Variants in ANK3 observed in about 807,000 individuals in gnomAD.
ANK3 encodes ankyrin-3.
ANK3 carries 57 observed loss-of-function variants against 370.9 expected under a neutral mutation model. The observed-to-expected ratio is 0.15, with a 90% CI of 0.12 to 0.19. The LOEUF is 0.19. Ranked by LOEUF, ANK3 falls within the 10% of genes least tolerant of loss-of-function variation. The pLI, the probability that ANK3 is intolerant of heterozygous loss-of-function variation, is 1.00. For missense variants in ANK3, 4,439 were observed against 5,302.1 expected (o/e 0.84, Z 5.06); for synonymous variants, 1,929 against 1,946.3 (o/e 0.99, Z 0.23).
At chr10:60,524,007 T>C (rs910688872) in intron 2 of ANK3, among the ~76,000 whole-genome samples, 3 of 152,098 alleles carry the variant, frequency 2.0e-5, no homozygotes, top group Non-Finnish European at 4.4e-5. Flanking sequence ...TCTTTTCTTG[T>C]ATTAAATTAA....
chr10:60,559,348 G>A (rs1265277668), intron 2 of ANK3, among the ~76,000 whole-genome samples: 1 of 152,048 alleles, frequency 6.6e-6, no homozygotes, highest in African/African-American at 2.4e-5. Context: ...CCACTTATGA[G>A]TGAGAACATA....
rs548432720 is a variant in ANK3 at position 60,373,999 on chromosome 10, T to C, written c.114+15426A>G. 2.0e-4 allele frequency among the ~76,000 whole-genome samples: 30 copies of C among 152,220 alleles called. No homozygotes were observed. In the South Asian group the frequency reaches 2.9e-3, roughly 15 times the overall value. ...TGGGCAGAGAGCTGTGTACCCACTA[T>C]CATTTCTTCATTCTACAGGACAGTG... is the stretch of plus-strand genomic sequence containing the variant. On this transcript the variant is annotated intron_variant, in intron 1 of 43. Coordinates refer to ENST00000280772, the MANE Select transcript of ANK3 (RefSeq NM_020987.5).
At chr10:60,524,221 G>A (rs141732761) in intron 2 of ANK3, among the ~76,000 whole-genome samples, 51 of 152,236 alleles carry the variant, frequency 3.4e-4, no homozygotes, top group African/African-American at 1.2e-3. Context: ...AGGTCTTGGG[G>A]ATTTTAACCA....
intron 14 of ANK3, among the ~76,000 whole-genome samples, chr10:60,197,041 G>T (rs966086899): frequency 6.6e-6 from 1 of 152,098 alleles, no homozygotes; most frequent in African/African-American, 2.4e-5. Flanking sequence ...AGTTTGGAGG[G>T]CTTGGGAAAA....
At chr10:60,684,860 C>T in intron 1 of ANK3, 1 of 1,492,476 alleles carries the variant, frequency 6.7e-7, no homozygotes, top group Non-Finnish European at 9.2e-7. Context: ...CACAAAATAA[C>T]TAGGTTATCA....
intron 2 of ANK3, among the ~76,000 whole-genome samples, chr10:60,610,065 T>C (rs1191759459): frequency 6.6e-6 from 1 of 152,118 alleles, no homozygotes; most frequent in Non-Finnish European, 1.5e-5. Context: ...ATAGTATTAA[T>C]ATATAAAAAG....
intron 17 of ANK3, among the ~76,000 whole-genome samples, chr10:60,185,345 A>G (rs1327408584): frequency 6.6e-6 from 1 of 152,128 alleles, no homozygotes; most frequent in African/African-American, 2.4e-5. Flanking sequence ...TAAAAAAACG[A>G]TTTTTTCTTA....
rs1440627127 is a variant in ANK3, at chr10:60,240,304, ATAT to A, written c.799-5521_799-5519del. ...CACATATATATATATATATATATAT[ATAT>A]TTTTTTTTCTTTTTGAGATAGAGTT... is the stretch of plus-strand genomic sequence containing the variant. On this transcript the variant is annotated intron_variant, in intron 7 of 43. Coordinates refer to ENST00000280772, the MANE Select transcript of ANK3 (RefSeq NM_020987.5). 6.8e-5 allele frequency among the ~76,000 whole-genome samples: 6 copies of A among 87,644 alleles called. No individual in the cohort carries two copies. The East Asian group carries it at 9.5e-4, about 14-fold the overall frequency. The allele number at this position is 87,644 out of a possible 152,430, so 57.5% of individuals were successfully genotyped here.
intron 2 of ANK3, among the ~76,000 whole-genome samples, chr10:60,486,289 T>C (rs2075345220): frequency 6.6e-6 from 1 of 152,192 alleles, no homozygotes; most frequent in African/African-American, 2.4e-5. Flanking sequence ...AAATCTACAG[T>C]TATTTGTGGT....
At chr10:60,451,614 T>C (rs1595060501) in intron 2 of ANK3, among the ~76,000 whole-genome samples, 1 of 152,298 alleles carries the variant, frequency 6.6e-6, no homozygotes, top group East Asian at 1.9e-4. Context: ...TTTTTTGTCT[T>C]TTCCTTAACA....
Position 60,517,497 on chromosome 10 carries a change from C to A in ANK3, c.96+97689G>T, listed in dbSNP as rs572039922. On this transcript the variant is annotated intron_variant, in intron 2 of 43. Transcript: ENST00000373827. ...TTACCCAGAACATGCACCCTTTGTA[C>A]AATTTGAATTTGGGGCCACGTGTAT... Among the ~76,000 whole-genome samples, 3 of 152,080 alleles carry A rather than the reference C, an allele frequency of 2.0e-5. No homozygotes were observed. In the South Asian group the frequency reaches 6.2e-4, roughly 32 times the overall value.
intron 2 of ANK3, among the ~76,000 whole-genome samples, chr10:60,400,884 G>T (rs190065602): frequency 6.6e-6 from 1 of 152,068 alleles, no homozygotes; most frequent in African/African-American, 2.4e-5. Context: ...TTCCCAACAG[G>T]CCCCAGTGTG....
chr10:60,670,615 G>A (rs1023354140), intron 1 of ANK3, among the ~76,000 whole-genome samples: 4 of 152,068 alleles, frequency 2.6e-5, no homozygotes, highest in African/African-American at 9.6e-5. Context: ...AAAGCACCAT[G>A]TCACTCCCTG....
chr10:60,314,260 T>C (rs928520777), intron 1 of ANK3, among the ~76,000 whole-genome samples: 5 of 152,182 alleles, frequency 3.3e-5, no homozygotes, highest in African/African-American at 1.2e-4. Flanking sequence ...ACACGGACAA[T>C]ATATTCCAGG....
intron 2 of ANK3, among the ~76,000 whole-genome samples, chr10:60,441,163 G>C (rs1049319391): frequency 1.3e-5 from 2 of 152,166 alleles, no homozygotes; most frequent in Non-Finnish European, 1.5e-5. Flanking sequence ...GATTGTGAGA[G>C]ACTATTTTCT....
chr10:60,707,348 T>C (rs1271147657), intron 1 of ANK3, among the ~76,000 whole-genome samples: 1 of 152,154 alleles, frequency 6.6e-6, no homozygotes, highest in Non-Finnish European at 1.5e-5. Context: ...CACATTTCAA[T>C]TGAGTTAAGA....
At chr10:60,194,829 T>G (rs1163302199) in intron 16 of ANK3, among the ~76,000 whole-genome samples, 1 of 152,200 alleles carries the variant, frequency 6.6e-6, no homozygotes, top group Non-Finnish European at 1.5e-5. Flanking sequence ...TTTGGGAGTT[T>G]GATTTTGAAT....
chr10:60,296,191 C>T (rs936853808), intron 1 of ANK3, among the ~76,000 whole-genome samples: 2 of 152,192 alleles, frequency 1.3e-5, no homozygotes, highest in African/African-American at 4.8e-5. Context: ...AGAGTCTTTC[C>T]AAGTGGCTAT....
intron 1 of ANK3, among the ~76,000 whole-genome samples, chr10:60,659,534 G>T (rs947425089): frequency 6.6e-6 from 1 of 151,932 alleles, no homozygotes; most frequent in South Asian, 2.1e-4. Flanking sequence ...GGAAGTAGTC[G>T]GCAGTTGTAC....
Sources: allele counts gnomAD v4.1 joint callset (sites outside exome capture counted in the v4.1 genomes callset), GRCh38; gene constraint gnomAD v4.1.1; transcripts MANE v1.5; gene names NCBI Gene and HGNC (gene_info 2026-07-23, HGNC 2026-07-21).